Variants in HFM1 observed in about 807,000 individuals in gnomAD.
The protein encoded by HFM1 is helicase for meiosis 1.
Under a neutral mutation model 192.1 loss-of-function variants are expected in HFM1, and 169 were observed. The ratio of observed to expected loss-of-function variants is 0.88; its 90% CI spans 0.78 to 1.00. The LOEUF is 1.00. Ranked by LOEUF, HFM1 falls within the 50% of genes least tolerant of loss-of-function variation. The pLI is 0.00. For missense variants in HFM1, 1,661 were observed against 1,668.0 expected, an observed-to-expected ratio of 1.00 and a Z score of 0.07; for synonymous variants, 525 against 537.8, an observed-to-expected ratio of 0.98 and a Z score of 0.33.
chr1:91,396,366 A>G lies in HFM1; in HGVS notation c.111T>C (p.Pro37=). 1 of 1,603,742 alleles carries G rather than the reference A, an allele frequency of 6.2e-7. No homozygotes were observed. The change falls in exon 3 of 39, where the codon CCT becomes CCC. Residue 37 remains proline, a synonymous_variant. Coordinates refer to ENST00000370425, the MANE Select transcript of HFM1 (RefSeq NM_001017975.6). ...DNEKSLDWFL[P]PAPLISEIPD... Reference sequence around the variant, plus strand: ...GAATTTCTGAAATCAATGGAGCAGGAGGGAGAAACCAATCCAATGACTTTT... The same window carrying G: ...GAATTTCTGAAATCAATGGAGCAGGGGGGAGAAACCAATCCAATGACTTTT...
chr1:91,338,600 G>C (rs1326713857), intron 20 of HFM1, among the ~76,000 whole-genome samples: 1 of 152,098 alleles, frequency 6.6e-6, no homozygotes, highest in African/African-American at 2.4e-5. Flanking sequence ...ACACACACCT[G>C]TCTGCAGCCT....
chr1:91,386,300 T>C (rs1434707164), intron 4 of HFM1, among the ~76,000 whole-genome samples: 1 of 152,188 alleles, frequency 6.6e-6, no homozygotes, highest in Admixed American at 6.5e-5. Context: ...GAGGCCCAGG[T>C]GGAGAGGTAC....
rs781188345 is a variant in HFM1, at chr1:91,319,096, T to C, written c.2794A>G (p.Lys932Glu). Residue 932 changes from lysine to glutamate, a missense_variant, in exon 25 of 39, where the codon AAA (lysine) becomes GAA (glutamate). Lys to Glu is a moderately conservative substitution (Grantham distance 56). Transcript: ENST00000370425. Reference protein sequence around the residue: ...KLWENSLHVSKQLEKIGITLS... With the variant: ...KLWENSLHVSEQLEKIGITLS... ...TACCTACCAATTTTTTCCAGTTGTT[T>C]GGATACATGCAGAGAGTTTTCCCAA... 1 of 1,599,538 alleles carries C rather than the reference T, an allele frequency of 6.3e-7. No individual in the cohort carries two copies. The highest frequency in any genetic ancestry group is 8.5e-7 in the Non-Finnish European group (1 of 1,176,266).
chr1:91,368,893 G>C (rs1042360154), intron 13 of HFM1, among the ~76,000 whole-genome samples: 1 of 152,120 alleles, frequency 6.6e-6, no homozygotes. Flanking sequence ...AAAATAAAGG[G>C]ATGGAGGAAG....
chr1:91,377,612 A>G, intron 11 of HFM1: 1 of 176,926 alleles, frequency 5.7e-6, no homozygotes, highest in Non-Finnish European at 1.2e-5. Context: ...ATCTATATTT[A>G]GTGCTTACCA....
rs554861143 is a variant in HFM1 at position 91,344,736 on chromosome 1, A to G, written c.2255-1226T>C. On this transcript the variant is annotated intron_variant, in intron 19 of 38. Transcript: ENST00000370425. ...TTTCTTTTTCTTTCTTTTTATTTTC[A>G]TTTCTTTTCTTTTCTTGTTTTTTTT... 3.1e-5 allele frequency among the ~76,000 whole-genome samples: 4 copies of G among 130,428 alleles called. No individual in the cohort carries two copies. In the East Asian group the frequency reaches 7.1e-4, roughly 23 times the overall value. 85.6% of individuals were successfully genotyped at this position (130,428 alleles called of 152,430 possible). A position where few individuals can be genotyped will look rare whatever the true frequency, so the allele number is the denominator to read the frequency against.
At chr1:91,333,998 T>C (rs1654212835) in intron 20 of HFM1, among the ~76,000 whole-genome samples, 1 of 152,204 alleles carries the variant, frequency 6.6e-6, no homozygotes, top group African/African-American at 2.4e-5. Context: ...AGTGGCCTAC[T>C]ACAAATAATG....
At chr1:91,308,788 G>A (rs1288594409) in intron 30 of HFM1, among the ~76,000 whole-genome samples, 1 of 152,136 alleles carries the variant, frequency 6.6e-6, no homozygotes, top group African/African-American at 2.4e-5. Context: ...CAGACACTGT[G>A]TCTGTGGTTT....
rs902794808 is a variant in HFM1 at position 91,337,542 on chromosome 1, T to C, written c.2335+5888A>G. On this transcript the variant is annotated intron_variant, in intron 20 of 38. Coordinates refer to ENST00000370425, the MANE Select transcript of HFM1 (RefSeq NM_001017975.6). Reference sequence around the variant, plus strand: ...CTACATTAATAACAGGCTAAGAAATTACAAACCCAGCATGGTGCAGCATCT... The same window carrying C: ...CTACATTAATAACAGGCTAAGAAATCACAAACCCAGCATGGTGCAGCATCT... Among the ~76,000 whole-genome samples the C allele has an allele frequency of 2.4e-4, 36 of 152,094 alleles. 1 individual carries two copies. The highest frequency in any genetic ancestry group is 8.7e-4 in the African/African-American group (36 of 41,412).
chr1:91,396,266 C>G (rs756888820), intron 3 of HFM1, 27 bp downstream of exon 3: 23 of 1,180,818 alleles, frequency 1.9e-5, no homozygotes, highest in Non-Finnish European at 2.9e-5. Context: ...ATGGGTTTGG[C>G]TTCAAAACAA....
chr1:91,387,775 G>A (rs376560241), intron 4 of HFM1, among the ~76,000 whole-genome samples: 1 of 131,908 alleles, frequency 7.6e-6, no homozygotes, highest in African/African-American at 2.8e-5. Context: ...GTGGGGTCGG[G>A]GGAGGGGGGA....
chr1:91,284,330 G>T (rs1020276725), intron 30 of HFM1, among the ~76,000 whole-genome samples: 1 of 151,564 alleles, frequency 6.6e-6, no homozygotes, highest in South Asian at 2.1e-4. Context: ...TGCAACCTCC[G>T]CCCAAGGCTC....
At chr1:91,374,767 G>A (rs1475332888) in intron 13 of HFM1, among the ~76,000 whole-genome samples, 2 of 152,142 alleles carry the variant, frequency 1.3e-5, no homozygotes, top group Admixed American at 6.6e-5. Flanking sequence ...TAGGCCTGGA[G>A]CTCAGTAAGG....
chr1:91,404,909 C>T (rs937420236), upstream of HFM1: 23 of 453,744 alleles, frequency 5.1e-5, no homozygotes, highest in African/African-American at 4.6e-4. Flanking sequence ...AGCCCCCAAC[C>T]TCTCCCTTCC....
At chr1:91,304,812 T>C (rs893462852) in intron 30 of HFM1, among the ~76,000 whole-genome samples, 3 of 152,120 alleles carry the variant, frequency 2.0e-5, no homozygotes, top group Admixed American at 6.6e-5. Flanking sequence ...CTTTAGGTCT[T>C]TGATTCATTT....
intron 18 of HFM1, among the ~76,000 whole-genome samples, chr1:91,349,304 C>T (rs1354871774): frequency 6.8e-6 from 1 of 147,880 alleles, no homozygotes; most frequent in African/African-American, 2.5e-5. Context: ...AAAAAATGCC[C>T]AGAAATTCTT....
intron 13 of HFM1, among the ~76,000 whole-genome samples, chr1:91,359,216 T>C (rs1658145275): frequency 6.6e-6 from 1 of 152,120 alleles, no homozygotes; most frequent in African/African-American, 2.4e-5. Flanking sequence ...CTAATGACTG[T>C]AACATTTCTC....
At chr1:91,390,744 G>A (rs921476373) in intron 4 of HFM1, among the ~76,000 whole-genome samples, 6 of 152,160 alleles carry the variant, frequency 3.9e-5, no homozygotes, top group Non-Finnish European at 7.3e-5. Flanking sequence ...AGTGTTGGAA[G>A]TTCTGGCCAG....
At chr1:91,361,061 C>A (rs1412122485) in intron 13 of HFM1, among the ~76,000 whole-genome samples, 1 of 151,934 alleles carries the variant, frequency 6.6e-6, no homozygotes, top group African/African-American at 2.4e-5. Context: ...AAGAGAGAAA[C>A]ATATAGCACC....
Sources: gnomAD v4.1 joint callset for allele counts (sites outside exome capture counted in the v4.1 genomes callset) on GRCh38, gnomAD v4.1.1 for gene constraint, MANE v1.5 for transcripts, NCBI Gene and HGNC (gene_info 2026-07-23, HGNC 2026-07-21) for gene names.